The following RORA variants were observed in gnomAD, a reference collection of about 807,000 sequenced individuals.
RORA encodes RAR related orphan receptor A.
Under a neutral mutation model 69.5 loss-of-function variants are expected in RORA, and 7 were observed. That is an observed-to-expected ratio of 0.10 (90% CI 0.06 to 0.19). The LOEUF is 0.19. Ranked by LOEUF, RORA falls within the 10% of genes least tolerant of loss-of-function variation. The pLI is 1.00. For synonymous variants in RORA, 261 were observed against 240.8 expected (o/e 1.08, Z -0.78); for missense variants, 457 against 663.0 (o/e 0.69, Z 3.41).
intron 1 of RORA, among the ~76,000 whole-genome samples, chr15:60,952,237 A>T (rs1204475019): frequency 6.6e-6 from 1 of 152,098 alleles, no homozygotes; most frequent in East Asian, 1.9e-4. Context: ...ACAAAATTCA[A>T]CAACGCTTCA....
intron 1 of RORA, among the ~76,000 whole-genome samples, chr15:61,042,134 G>A (rs1239138372): frequency 6.6e-6 from 1 of 152,108 alleles, no homozygotes; most frequent in Non-Finnish European, 1.5e-5. Context: ...TTGATTTTAT[G>A]TTTCTAGAGA....
At chr15:61,111,142 T>C (rs1158638725) in intron 1 of RORA, among the ~76,000 whole-genome samples, 1 of 152,166 alleles carries the variant, frequency 6.6e-6, no homozygotes, top group Non-Finnish European at 1.5e-5. Context: ...GGTTTGCAGG[T>C]CTCGATTTGA....
intron 1 of RORA, among the ~76,000 whole-genome samples, chr15:60,713,068 G>A (rs896468583): frequency 6.6e-6 from 1 of 151,946 alleles, no homozygotes; most frequent in Non-Finnish European, 1.5e-5. Flanking sequence ...TTTTCAGACT[G>A]TGGCCAGGGC....
intron 6 of RORA, among the ~76,000 whole-genome samples, chr15:60,505,001 A>C (rs1567041595): frequency 6.6e-6 from 1 of 152,204 alleles, no homozygotes; most frequent in Admixed American, 6.5e-5. Flanking sequence ...GGTGTTTTAC[A>C]GAAAAAGGCA....
Position 60,905,090 on chromosome 15 carries a change from A to G in RORA, c.167-226404T>C, listed in dbSNP as rs141925264. On this transcript the variant is annotated intron_variant, in intron 1 of 10. Coordinates refer to ENST00000335670, the MANE Select transcript of RORA (RefSeq NM_134261.3). The surrounding 1 kb of genome is among the most constrained non-coding windows in gnomAD (Gnocchi z 4.8). Reference sequence around the variant, plus strand: ...GGCGCTCGTCTTTAATGTTAATGAGACTCATTCATACCATGGGCTGGGGAG... The same window carrying G: ...GGCGCTCGTCTTTAATGTTAATGAGGCTCATTCATACCATGGGCTGGGGAG... Among the ~76,000 whole-genome samples, 1 of 152,074 alleles carries G rather than the reference A, an allele frequency of 6.6e-6. No homozygotes were observed. The highest frequency in any genetic ancestry group is 1.5e-5 in the Non-Finnish European group (1 of 67,968).
chr15:60,521,733 C>T (rs897158132), intron 3 of RORA, among the ~76,000 whole-genome samples: 2 of 152,046 alleles, frequency 1.3e-5, no homozygotes, highest in African/African-American at 4.8e-5. Flanking sequence ...AGTCCAGTGC[C>T]CTCTTACTTA....
intron 1 of RORA, among the ~76,000 whole-genome samples, chr15:60,761,536 GC>G (rs1303355835): frequency 2.0e-5 from 3 of 152,014 alleles, no homozygotes; most frequent in African/African-American, 7.3e-5. Flanking sequence ...TTTATCCCAG[GC>G]CTTTTCTACT....
At chr15:60,736,443 C>A (rs2071501154) in intron 1 of RORA, among the ~76,000 whole-genome samples, 1 of 152,194 alleles carries the variant, frequency 6.6e-6, no homozygotes, top group South Asian at 2.1e-4. Context: ...CAGAGGAAAA[C>A]CTTTGCATAG....
chr15:61,019,593 G>A (rs1248646438), intron 1 of RORA, among the ~76,000 whole-genome samples: 2 of 152,052 alleles, frequency 1.3e-5, no homozygotes, highest in African/African-American at 2.4e-5. Flanking sequence ...GTTCTGGGCT[G>A]GAAAAGTTAG....
At chr15:61,217,016 G>A (rs1035348939) in intron 1 of RORA, among the ~76,000 whole-genome samples, 3 of 152,144 alleles carry the variant, frequency 2.0e-5, no homozygotes, top group Non-Finnish European at 2.9e-5. Flanking sequence ...AAGAGAGGCA[G>A]AAGTCACACA....
At chr15:60,688,233 G>C (rs1400317821) in intron 1 of RORA, among the ~76,000 whole-genome samples, 1 of 151,294 alleles carries the variant, frequency 6.6e-6, no homozygotes, top group Non-Finnish European at 1.5e-5. Flanking sequence ...AAGTCCCAAA[G>C]CATAGTATAT....
intron 2 of RORA, among the ~76,000 whole-genome samples, chr15:60,660,066 T>TA (rs765049988): frequency 3.3e-5 from 5 of 152,340 alleles, no homozygotes; most frequent in Non-Finnish European, 5.9e-5. Context: ...ATCAATCATC[T>TA]AAAAATTTTT....
chr15:60,702,951 C>T (rs2071005431), intron 1 of RORA, among the ~76,000 whole-genome samples: 1 of 152,182 alleles, frequency 6.6e-6, no homozygotes, highest in Non-Finnish European at 1.5e-5. Context: ...GACCTCTATC[C>T]ATAAACAGCC....
At chr15:60,679,770 T>C (rs537147057) in intron 1 of RORA, among the ~76,000 whole-genome samples, 2 of 152,302 alleles carry the variant, frequency 1.3e-5, no homozygotes, top group Admixed American at 1.3e-4. Flanking sequence ...TTTTAAAAAG[T>C]TGGTTCCGAA....
At chr15:60,827,761 G>C (rs781194511) in intron 1 of RORA, among the ~76,000 whole-genome samples, 1 of 152,188 alleles carries the variant, frequency 6.6e-6, no homozygotes, top group Non-Finnish European at 1.5e-5. Flanking sequence ...TGTTTGCTCC[G>C]CGTGAGCCTG....
intron 1 of RORA, among the ~76,000 whole-genome samples, chr15:60,983,990 A>G (rs114353113): frequency 0.025 from 3,736 of 152,280 alleles, 169 homozygotes; most frequent in African/African-American, 0.087. Flanking sequence ...TTTGATTTGT[A>G]TATTTCATAG....
At chr15:60,617,649 C>G (rs2069281717) in intron 2 of RORA, among the ~76,000 whole-genome samples, 1 of 130,118 alleles carries the variant, frequency 7.7e-6, no homozygotes, top group South Asian at 2.5e-4. Context: ...CGCACATACA[C>G]ACATACAGAC....
At chr15:61,112,851 T>C (rs962567081) in intron 1 of RORA, among the ~76,000 whole-genome samples, 11 of 152,234 alleles carry the variant, frequency 7.2e-5, no homozygotes, top group African/African-American at 2.7e-4. Flanking sequence ...CAGGGACAGC[T>C]GGGCACCAAC....
At chr15:61,158,976 T>C (rs749531811) in intron 1 of RORA, among the ~76,000 whole-genome samples, 1 of 152,212 alleles carries the variant, frequency 6.6e-6, no homozygotes, top group African/African-American at 2.4e-5. Context: ...TAGGATCTTT[T>C]CTCAGATTCA....
Sources: allele counts gnomAD v4.1 joint callset (sites outside exome capture counted in the v4.1 genomes callset), GRCh38; gene constraint gnomAD v4.1.1; non-coding constraint Gnocchi (gnomAD v3.1); transcripts MANE v1.5; gene names NCBI Gene and HGNC (gene_info 2026-07-23, HGNC 2026-07-21).